GSDMA: variants seen among roughly 807,000 people sequenced by gnomAD.
GSDMA encodes the protein gasdermin A, also known as gasdermin-A.
Under a neutral mutation model 54.3 loss-of-function variants are expected in GSDMA, and 55 were observed. The observed-to-expected ratio is 1.01, with a 90% CI of 0.82 to 1.27. The LOEUF (loss-of-function observed/expected upper bound fraction) is 1.27, where lower values mean the gene tolerates loss of function less well. Among genes scored for constraint, GSDMA ranks in the 50% most tolerant of loss-of-function variants. GSDMA has a pLI of 0.00. For missense variants in GSDMA, 542 were observed against 542.6 expected (o/e 1.00, Z 0.01); for synonymous variants, 211 against 224.7 (o/e 0.94, Z 0.54).
rs751280997 is a variant in GSDMA at position 39,972,086 on chromosome 17, G to A, written c.656-43G>A. ...AGACTGAAGAAGGGAATGTGGGGCA[G>A]CTGCTAAGTGTCCTCCCACCCTCCC... On this transcript the variant is annotated intron_variant, in intron 5 of 11. Transcript: ENST00000301659. The A allele has an allele frequency of 6.8e-6, 9 of 1,318,500 alleles. No individual in the cohort carries two copies. In the South Asian group the frequency reaches 1.1e-4, roughly 17 times the overall value. 81.7% of individuals were successfully genotyped at this position (1,318,500 alleles called of 1,614,324 possible).
Position 39,974,302 on chromosome 17 carries a change from AAAG to A in GSDMA, c.788_790del (p.Glu263del), listed in dbSNP as rs767222554. 133 of 1,611,692 alleles carry A rather than the reference AAAG, an allele frequency of 8.3e-5. 1 individual carries two copies. In the East Asian group the frequency reaches 9.4e-4, roughly 11 times the overall value. ...CGTACACGAAGGCTTCAGGACACTA[AAAG>A]AAGAAGTTCAGAGAGAGACCCAACA... On this transcript the variant is annotated inframe_deletion, in exon 9 of 12. Transcript: ENST00000301659.
At chr17:39,974,511 G>C in intron 9 of GSDMA, 84 bp downstream of exon 9, 1 of 1,426,782 alleles carries the variant, frequency 7.0e-7, no homozygotes, top group South Asian at 1.4e-5. Flanking sequence ...GCAGCAGGTA[G>C]GGAGATCTGA....
rs547737973 is a variant in GSDMA, at chr17:39,974,284, G to A, written c.763G>A (p.Glu255Lys). ...IQASDVGDVH[E>K]GFRTLKEEVQ... ...TATTGTCCCCATAGGGGACGTACAC[G>A]AAGGCTTCAGGACACTAAAAGAAGA... The change falls in exon 9 of 12, where the codon GAA becomes AAA. Residue 255 changes from glutamate (E) to lysine (K), a missense_variant. Physicochemically the swap from Glu to Lys is moderately conservative, Grantham distance 56 (BLOSUM62 1). Transcript: ENST00000301659. 18 of 1,610,348 alleles carry A rather than the reference G, an allele frequency of 1.1e-5. No homozygotes were observed. Among genetic ancestry groups the A allele is most frequent in the Admixed American group, 1.7e-5 (1 of 59,336 alleles).
Position 39,965,692 on chromosome 17 carries a change from C to A in GSDMA, c.5C>A (p.Thr2Asn). 1.9e-6 allele frequency: 3 copies of A among 1,603,082 alleles called. No individual in the cohort carries two copies. The East Asian group carries it at 6.8e-5, about 36-fold the overall frequency. Residue 2 changes from threonine (T) to asparagine (N), a missense_variant, in exon 2 of 12, where the codon ACC becomes AAC. Thr to Asn is a moderately conservative substitution (Grantham distance 65, BLOSUM62 0). Coordinates refer to ENST00000301659, the MANE Select transcript of GSDMA (RefSeq NM_178171.5). The stretch of plus-strand genomic sequence containing the variant: ...CTCCCCACCTCCACAGAGACAATGA[C>A]CATGTTTGAAAATGTCACCCGGGCC... The part of the protein sequence containing the change: M[T>N]MFENVTRALA...
At chr17:39,963,451 T>C (rs541895053) in intron 1 of GSDMA, among the ~76,000 whole-genome samples, 3 of 152,170 alleles carry the variant, frequency 2.0e-5, no homozygotes, top group South Asian at 4.2e-4. Context: ...GTGGGATGCT[T>C]CCAAGCCAGC....
intron 3 of GSDMA, among the ~76,000 whole-genome samples, chr17:39,969,864 A>T (rs1979849381): frequency 6.8e-6 from 1 of 147,344 alleles, no homozygotes; most frequent in South Asian, 2.2e-4. Flanking sequence ...TCTCAAAAAA[A>T]AAAAGAATTT....
At chr17:39,963,977 A>G (rs1478438683) in intron 1 of GSDMA, among the ~76,000 whole-genome samples, 1 of 152,196 alleles carries the variant, frequency 6.6e-6, no homozygotes, top group Non-Finnish European at 1.5e-5. Context: ...ACATTTGCCA[A>G]GCTCGAACTC....
At chr17:39,972,221 CCT>C (rs780024399) in intron 6 of GSDMA, 45 bp downstream of exon 6, 4 of 1,352,516 alleles carry the variant, frequency 3.0e-6, no homozygotes, top group Non-Finnish European at 4.2e-6. Context: ...CCGCCCTACC[CCT>C]GACATTATCT....
intron 3 of GSDMA, among the ~76,000 whole-genome samples, chr17:39,966,672 A>G (rs1446251296): frequency 6.6e-6 from 1 of 152,166 alleles, no homozygotes; most frequent in Non-Finnish European, 1.5e-5. Flanking sequence ...ACTGTCACGC[A>G]TGCACAGGGA....
intron 7 of GSDMA, 74 bp from the exon 8 acceptor site, chr17:39,973,736 T>C: frequency 8.1e-7 from 1 of 1,239,938 alleles, no homozygotes; most frequent in Non-Finnish European, 1.2e-6. Context: ...TCTTCCTTAG[T>C]GTCTCAACCC....
intron 3 of GSDMA, among the ~76,000 whole-genome samples, 189 bp from the exon 4 acceptor site, chr17:39,970,293 T>C (rs1036771836): frequency 2.6e-5 from 4 of 152,178 alleles, no homozygotes; most frequent in African/African-American, 9.7e-5. Context: ...ATGAGGCAAT[T>C]AAGACTCAGA....
At position 39,975,461 on chromosome 17, in the gene GSDMA, T is replaced by A. The variant is rs1459737108; in HGVS notation, c.1021+447T>A. ...GAGACTCCATCAAAAAAAAAAAAAA[T>A]TGGTTTCATTCCTAAGGATTTGCTT... On this transcript the variant is annotated intron_variant, in intron 10 of 11. Coordinates refer to ENST00000301659, the MANE Select transcript of GSDMA (RefSeq NM_178171.5). Among the ~76,000 whole-genome samples the A allele has an allele frequency of 8.7e-5, 11 of 127,134 alleles. No individual in the cohort carries two copies. The South Asian group carries it at 9.9e-4, about 11-fold the overall frequency. The allele number at this position is 127,134 out of a possible 152,430, so 83.4% of individuals were successfully genotyped here. A position where few individuals can be genotyped will look rare whatever the true frequency, so the allele number is the denominator to read the frequency against.
chr17:39,977,191 C>G lies in GSDMA; in HGVS notation c.*133C>G, dbSNP rs1980238730. ...AATCTCAGCTGGTCACCCATGATAACCAACTTCCACCTGCCCAACCATATA... is the reference window on the plus strand; with the variant it reads ...AATCTCAGCTGGTCACCCATGATAAGCAACTTCCACCTGCCCAACCATATA... On this transcript the variant is annotated 3_prime_UTR_variant, in exon 12 of 12. Transcript: ENST00000301659. 2 of 1,035,910 alleles carry G rather than the reference C, an allele frequency of 1.9e-6. No homozygotes were observed. Among genetic ancestry groups the G allele is most frequent in the Non-Finnish European group, 2.8e-6 (2 of 702,814 alleles). 64.2% of individuals were successfully genotyped at this position (1,035,910 alleles called of 1,614,324 possible). A position where few individuals can be genotyped will look rare whatever the true frequency, so the allele number is the denominator to read the frequency against.
intron 5 of GSDMA, 106 bp downstream of exon 5, chr17:39,971,726 G>T (rs941485305): frequency 3.7e-6 from 3 of 806,144 alleles, no homozygotes; most frequent in Non-Finnish European, 6.2e-6. Flanking sequence ...GAGTAGGGGG[G>T]TGTATTGTAC....
chr17:39,968,650 G>A (rs1195985844), intron 3 of GSDMA, among the ~76,000 whole-genome samples: 1 of 152,068 alleles, frequency 6.6e-6, no homozygotes, highest in Non-Finnish European at 1.5e-5. Flanking sequence ...CCCCAGCCAA[G>A]ACACTGTTCT....
chr17:39,964,482 T>C (rs1468381707), intron 1 of GSDMA, among the ~76,000 whole-genome samples: 4 of 151,740 alleles, frequency 2.6e-5, no homozygotes, highest in Non-Finnish European at 2.9e-5. Context: ...GGCAGGAGAA[T>C]CGCTTGAATC....
intron 3 of GSDMA, among the ~76,000 whole-genome samples, chr17:39,968,407 A>G (rs1318053753): frequency 8.1e-6 from 1 of 122,980 alleles, no homozygotes; most frequent in Non-Finnish European, 1.6e-5. Context: ...GAGTGCAGTG[A>G]CACGATACCA....
chr17:39,974,407 C>T lies in GSDMA; in HGVS notation c.886C>T (p.Leu296=). 6.3e-7 allele frequency: 1 copy of T among 1,586,366 alleles called. No homozygotes were observed. Residue 296 remains leucine, a synonymous_variant, in exon 9 of 12, where the codon CTA becomes TTA. Coordinates refer to ENST00000301659, the MANE Select transcript of GSDMA (RefSeq NM_178171.5). ...LSKLLGKKKE[L]QDLELALEGA... is the part of the protein sequence containing the mutation. ...CAAACTTCTAGGGAAGAAAAAGGAGCTACAAGACCTTGAGCTCGCAGTGAG... is the reference window on the plus strand; with the variant it reads ...CAAACTTCTAGGGAAGAAAAAGGAGTTACAAGACCTTGAGCTCGCAGTGAG...
Position 39,977,084 on chromosome 17 carries a change from C to G in GSDMA, c.*26C>G, listed in dbSNP as rs780738950. ...TTTGCCTTTTACGTCTGCTTCATGA[C>G]TCCCTAATGCCTTCCCAACCTCGTG... On this transcript the variant is annotated 3_prime_UTR_variant, in exon 12 of 12. Transcript: ENST00000301659. The G allele has an allele frequency of 6.2e-7, 1 of 1,611,484 alleles. No individual in the cohort carries two copies. The highest frequency in any genetic ancestry group is 1.7e-5 in the Admixed American group (1 of 59,882).
Sources: gnomAD v4.1 joint callset for allele counts (sites outside exome capture counted in the v4.1 genomes callset) on GRCh38, gnomAD v4.1.1 for gene constraint, MANE v1.5 for transcripts, NCBI Gene and HGNC (gene_info 2026-07-23, HGNC 2026-07-21) for gene names.